S100Z: variants seen among roughly 807,000 people sequenced by gnomAD.
The protein encoded by S100Z is protein S100-Z.
In S100Z, 11 loss-of-function variants were observed where a neutral mutation model predicts 8.5. That is an observed-to-expected ratio of 1.30 (90% confidence interval 0.82 to 2.15). S100Z has a LOEUF of 2.15. Ranked by LOEUF, S100Z falls within the 30% of genes most tolerant of loss-of-function variation. The probability of loss-of-function intolerance (pLI) is 0.00; values close to 1 mark genes in which losing one functional copy is unlikely to be tolerated. For missense variants in S100Z, 126 were observed against 117.9 expected, an observed-to-expected ratio of 1.07 and a Z score of -0.32; for synonymous variants, 34 against 43.8, an observed-to-expected ratio of 0.78 and a Z score of 0.89.
chr5:76,868,439 T>C (rs913572766), intron 1 of S100Z, among the ~76,000 whole-genome samples: 3 of 152,192 alleles, frequency 2.0e-5, no homozygotes, highest in Non-Finnish European at 4.4e-5. Flanking sequence ...ATTTTCAATA[T>C]CTATTCTATT....
intron 3 of S100Z, among the ~76,000 whole-genome samples, chr5:76,876,718 G>A (rs1743205511): frequency 6.6e-6 from 1 of 152,126 alleles, no homozygotes; most frequent in South Asian, 2.1e-4. Flanking sequence ...AACTCAGTAG[G>A]TCAAACTTCG....
chr5:76,856,886 T>C (rs748634010), intron 1 of S100Z, among the ~76,000 whole-genome samples: 1 of 152,216 alleles, frequency 6.6e-6, no homozygotes, highest in Non-Finnish European at 1.5e-5. Flanking sequence ...AGGTTGACTA[T>C]GTAGAGCTCT....
chr5:76,915,589 C>T (rs906801635), intron 4 of S100Z, among the ~76,000 whole-genome samples: 2 of 151,916 alleles, frequency 1.3e-5, no homozygotes, highest in Non-Finnish European at 2.9e-5. Context: ...GCCTGGGCAA[C>T]AGAGCGAGAC....
At chr5:76,933,643 G>A in the S100Z span, among the ~76,000 whole-genome samples, 3 of 152,242 alleles carry the variant, frequency 2.0e-5, no homozygotes, top group Admixed American at 2.0e-4. Flanking sequence ...AACAACCTTA[G>A]GGTACAGGAA....
chr5:76,859,622 A>G (rs1312355783), intron 1 of S100Z, among the ~76,000 whole-genome samples: 3 of 151,912 alleles, frequency 2.0e-5, no homozygotes, highest in Admixed American at 1.3e-4. Context: ...CTCTACTCAA[A>G]ATACAAAAAA....
chr5:76,924,759 A>C (rs1289920593), downstream of S100Z, among the ~76,000 whole-genome samples: 1 of 151,908 alleles, frequency 6.6e-6, no homozygotes. Flanking sequence ...AAAATACAAA[A>C]ATTAGCCGGG....
chr5:76,901,863 A>G (rs755174361), intron 4 of S100Z, among the ~76,000 whole-genome samples: 1 of 151,340 alleles, frequency 6.6e-6, no homozygotes, highest in Non-Finnish European at 1.5e-5. Flanking sequence ...CAAGGCCCAC[A>G]GTGTAGTACC....
chr5:76,934,035 T>G, the S100Z span, among the ~76,000 whole-genome samples: 2 of 152,246 alleles, frequency 1.3e-5, no homozygotes, highest in Non-Finnish European at 2.9e-5. Context: ...CATGTTGTAG[T>G]ATCCCATTAT....
rs559786877 is a variant in S100Z, at chr5:76,915,072, G to A, written c.*3-5645G>A. ...TGCAATCCCAGCACTTTGGGAGGTC[G>A]AGGCAGGTGGATCACGAGGTTAGGA... On this transcript the variant is annotated intron_variant, in intron 4 of 4. Coordinates refer to ENST00000317593, the MANE Select transcript of S100Z (RefSeq NM_130772.4). 5.9e-5 allele frequency among the ~76,000 whole-genome samples: 9 copies of A among 152,276 alleles called. No individual in the cohort carries two copies. In the South Asian group the frequency reaches 6.2e-4, roughly 11 times the overall value.
At chr5:76,909,829 A>G (rs1210332781) in intron 4 of S100Z, among the ~76,000 whole-genome samples, 4 of 152,192 alleles carry the variant, frequency 2.6e-5, no homozygotes, top group African/African-American at 9.6e-5. Flanking sequence ...CAGGGTCTAG[A>G]GCAAACCTTT....
intron 4 of S100Z, among the ~76,000 whole-genome samples, chr5:76,886,354 C>G (rs915723734): frequency 3.9e-5 from 6 of 151,968 alleles, no homozygotes; most frequent in African/African-American, 1.5e-4. Flanking sequence ...TGAGAAGGGA[C>G]AGATTGAAGG....
At chr5:76,913,758 G>T (rs1744752859) in intron 4 of S100Z, among the ~76,000 whole-genome samples, 1 of 152,210 alleles carries the variant, frequency 6.6e-6, no homozygotes, top group Non-Finnish European at 1.5e-5. Flanking sequence ...CCTCCTCACT[G>T]CTGAGAAAGG....
At position 76,895,729 on chromosome 5, in the gene S100Z, G is replaced by GT. The variant is rs201010350; in HGVS notation, c.*2+17902dup. Among the ~76,000 whole-genome samples, 388 of 141,224 alleles carry GT rather than the reference G, an allele frequency of 2.7e-3. 2 individuals carry two copies. The highest frequency in any genetic ancestry group is 9.6e-3 in the African/African-American group (367 of 38,118). The allele number at this position is 141,224 out of a possible 152,430, so 92.6% of individuals were successfully genotyped here. A position where few individuals can be genotyped will look rare whatever the true frequency, so the allele number is the denominator to read the frequency against. The stretch of plus-strand genomic sequence containing the variant: ...TTAAGTTATTTTAAAATATAGAGGG[G>GT]TTTTTTTGCTTTCCCTTTCTTTCTT... On this transcript the variant is annotated intron_variant, in intron 4 of 4. Transcript: ENST00000317593.
At chr5:76,924,900 G>A (rs1032828745), downstream of S100Z, among the ~76,000 whole-genome samples, 26 of 135,544 alleles carry the variant, frequency 1.9e-4, no homozygotes, top group Admixed American at 1.3e-3. Context: ...GCAACAGAGC[G>A]AGACTCTGTC....
chr5:76,910,659 C>T (rs1744619545), intron 4 of S100Z, among the ~76,000 whole-genome samples: 1 of 152,156 alleles, frequency 6.6e-6, no homozygotes, highest in Admixed American at 6.5e-5. Context: ...TCAGAAGCTG[C>T]CAACCAGATG....
At chr5:76,896,304 A>G (rs981341368) in intron 4 of S100Z, among the ~76,000 whole-genome samples, 15 of 152,118 alleles carry the variant, frequency 9.9e-5, no homozygotes, top group Non-Finnish European at 1.9e-4. Flanking sequence ...CTTTCTGTGC[A>G]TGGCTCATTT....
chr5:76,913,171 A>G (rs976721164), intron 4 of S100Z, among the ~76,000 whole-genome samples: 2 of 152,246 alleles, frequency 1.3e-5, no homozygotes, highest in Non-Finnish European at 2.9e-5. Context: ...GCCTGAAAGC[A>G]CTGAGGCCAC....
chr5:76,862,179 A>G (rs981139588), intron 1 of S100Z, among the ~76,000 whole-genome samples: 1 of 150,918 alleles, frequency 6.6e-6, no homozygotes, highest in African/African-American at 2.4e-5. Context: ...GTAGAATTTC[A>G]AATATATAGA....
downstream of S100Z, among the ~76,000 whole-genome samples, chr5:76,924,969 G>A (rs930045964): frequency 6.6e-6 from 1 of 152,152 alleles, no homozygotes; most frequent in Non-Finnish European, 1.5e-5. Flanking sequence ...CAGAAAGCAG[G>A]AGTGGCTTGG....
Sources: allele counts gnomAD v4.1 joint callset (sites outside exome capture counted in the v4.1 genomes callset), GRCh38; gene constraint gnomAD v4.1.1; transcripts MANE v1.5; gene names NCBI Gene and HGNC (gene_info 2026-07-23, HGNC 2026-07-21).